CASP1: variants seen among roughly 807,000 people sequenced by gnomAD.
The protein encoded by CASP1 is caspase 1.
A neutral mutation model predicts 41.2 loss-of-function variants in CASP1; 31 were observed. The ratio of observed to expected loss-of-function variants is 0.75; its 90% confidence interval spans 0.57 to 1.02. The LOEUF (loss-of-function observed/expected upper bound fraction) is 1.02, where lower values mean the gene tolerates loss of function less well. CASP1 is among the 50% of genes least tolerant of loss of function. The pLI is 0.00. For missense variants in CASP1, 490 were observed against 495.7 expected (o/e 0.99, Z 0.11); for synonymous variants, 163 against 166.5 (o/e 0.98, Z 0.16).
chr11:105,030,814 G>A, intron 4 of CASP1: 3 of 361,020 alleles, frequency 8.3e-6, no homozygotes, highest in Non-Finnish European at 1.5e-5. Context: ...TTTTTCTTTG[G>A]GAAAAATATT....
chr11:105,034,046 G>A, intron 2 of CASP1, 162 bp downstream of exon 2: 1 of 1,147,320 alleles, frequency 8.7e-7, no homozygotes, highest in South Asian at 1.3e-5. Flanking sequence ...AAGAATCAAA[G>A]GAGAGTCAAG....
intron 7 of CASP1, 87 bp downstream of exon 7, chr11:105,029,037 G>A: frequency 8.0e-7 from 1 of 1,257,464 alleles, no homozygotes; most frequent in Non-Finnish European, 1.1e-6. Context: ...AGTTGGTCTT[G>A]AGTTGTTAAT....
chr11:105,029,932 T>A, intron 5 of CASP1, 33 bp from the exon 6 acceptor site: 1 of 1,407,512 alleles, frequency 7.1e-7, no homozygotes, highest in South Asian at 1.1e-5. Flanking sequence ...TTTTCGACTA[T>A]GTAATTAACT....
In CASP1 at chr11:105,026,733, A is replaced by G. The variant is rs929297489; in HGVS notation, c.1116+109T>C. The G allele has an allele frequency of 1.0e-5, 7 of 697,980 alleles. No homozygotes were observed. The Admixed American group carries it at 1.4e-4, about 14-fold the overall frequency. The allele number at this position is 697,980 out of a possible 1,614,324, so 43.2% of individuals were successfully genotyped here. A position where few individuals can be genotyped will look rare whatever the true frequency, so the allele number is the denominator to read the frequency against. On this transcript the variant is annotated intron_variant, in intron 8 of 8. Coordinates refer to ENST00000533400, the MANE Select transcript of CASP1 (RefSeq NM_001257118.3). ...GAACTCCAAAACTCTTTTGGAAAGA[A>G]GAGCATTATTGGAAGATAAACTTGT... is the stretch of plus-strand genomic sequence containing the variant.
At chr11:105,034,984 C>G in intron 1 of CASP1, 123 bp downstream of exon 1, 4 of 1,264,296 alleles carry the variant, frequency 3.2e-6, no homozygotes, top group Non-Finnish European at 4.6e-6. Context: ...TCCCTCTCCC[C>G]CCTTTTCCTT....
upstream of CASP1, chr11:105,035,320 C>T (rs1468653851): frequency 3.1e-6 from 2 of 645,010 alleles, no homozygotes; most frequent in Non-Finnish European, 5.5e-6. Context: ...TTGGATAGAT[C>T]AGGGTAGGAG....
intron 4 of CASP1, chr11:105,030,884 A>G (rs994809325): frequency 2.5e-5 from 9 of 363,312 alleles, no homozygotes; most frequent in South Asian, 4.4e-5. Context: ...GTTAAAAATT[A>G]TATATTATCA....
chr11:105,029,630 G>A, intron 6 of CASP1, 35 bp downstream of exon 6: 2 of 1,473,148 alleles, frequency 1.4e-6, no homozygotes, highest in South Asian at 1.1e-5. Flanking sequence ...GATAGTATTT[G>A]ATTGTCTGGT....
chr11:105,034,453 C>T lies in CASP1; in HGVS notation c.29G>A (p.Arg10Lys). MADKVLKEKRKLFIRSMGEG... is the reference protein window; with the variant it reads MADKVLKEKKKLFIRSMGEG... ...ACCCATGGAACGGATAAACAGCTTTCTCTTCTCCTTCAGGACCTTGTCTGT... is the reference window on the plus strand; with the variant it reads ...ACCCATGGAACGGATAAACAGCTTTTTCTTCTCCTTCAGGACCTTGTCTGT... Residue 10 changes from arginine to lysine, a missense_variant, in exon 2 of 9, where the codon AGA becomes AAA. By Grantham distance (26) the Arg-to-Lys change is conservative (BLOSUM62 2). Coordinates refer to ENST00000533400, the MANE Select transcript of CASP1 (RefSeq NM_001257118.3). 6.2e-7 allele frequency: 1 copy of T among 1,614,106 alleles called. No homozygotes were observed. Among genetic ancestry groups the T allele is most frequent in the African/African-American group, 1.3e-5 (1 of 75,032 alleles).
chr11:105,035,003 T>G (rs1863938747), intron 1 of CASP1, 104 bp downstream of exon 1: 2 of 1,460,414 alleles, frequency 1.4e-6, no homozygotes, highest in Admixed American at 1.7e-5. Flanking sequence ...TTGCTTCTAC[T>G]CAAGTAAACT....
Position 105,029,129 on chromosome 11 carries a change from G to T in CASP1, c.1001C>A (p.Thr334Lys). 1 of 1,612,704 alleles carries T rather than the reference G, an allele frequency of 6.2e-7. No homozygotes were observed. Among genetic ancestry groups the T allele is most frequent in the Non-Finnish European group, 8.5e-7 (1 of 1,179,218 alleles). The change falls in exon 7 of 9, where the codon ACA becomes AAA. Residue 334 changes from threonine to lysine, a missense_variant. Transcript: ENST00000533400. The part of the protein sequence containing the change: ...EKDFIAFCSS[T>K]PDNVSWRHPT... The stretch of plus-strand genomic sequence containing the variant: ...CCTGTGTAGAAACCTGTTACCTGGT[G>T]TGGAAGAGCAGAAAGCGATAAAATC...
At chr11:105,031,303 T>C (rs1325926501) in intron 3 of CASP1, 23 bp from the exon 4 acceptor site, 2 of 1,336,312 alleles carry the variant, frequency 1.5e-6, no homozygotes, top group Admixed American at 1.7e-5. Flanking sequence ...AAGAACATCA[T>C]GAACAGTGGC....
intron 8 of CASP1, 26 bp downstream of exon 8, chr11:105,026,816 G>GA: frequency 8.5e-7 from 1 of 1,176,154 alleles, no homozygotes; most frequent in Non-Finnish European, 1.3e-6. Context: ...GAAGTAGAGT[G>GA]AAAATAGCAT....
At chr11:105,029,090 C>A (rs505901) in intron 7 of CASP1, 34 bp downstream of exon 7, 259,145 of 1,592,128 alleles carry the variant, frequency 0.16, 23,139 homozygotes, top group Admixed American at 0.3. Context: ...TATTGATAGC[C>A]CCAACAAAGA....
intron 4 of CASP1, chr11:105,030,945 G>A (rs1325111355): frequency 4.0e-6 from 2 of 494,974 alleles, no homozygotes; most frequent in East Asian, 7.0e-5. Flanking sequence ...TTCAATAGCT[G>A]TCATCACTGA....
Position 105,031,196 on chromosome 11 carries a change from G to C in CASP1, c.422C>G (p.Ala141Gly), listed in dbSNP as rs541150316. ...CGACTTTTGTTTCCATATCCTTTGA[G>C]CTTCTTCTAGGGAGCAAAGCTTGAC... ...GNVKLCSLEEAQRIWKQKSAE... is the reference protein window; with the variant it reads ...GNVKLCSLEEGQRIWKQKSAE... Residue 141 changes from alanine (A) to glycine (G), a missense_variant, in exon 4 of 9, where the codon GCT becomes GGT. Physicochemically the swap from Ala to Gly is moderately conservative, Grantham distance 60. Transcript: ENST00000533400. 16 of 1,612,346 alleles carry C rather than the reference G, an allele frequency of 9.9e-6. No individual in the cohort carries two copies. In the South Asian group the frequency reaches 1.1e-4, roughly 11 times the overall value.
upstream of CASP1, among the ~76,000 whole-genome samples, chr11:105,035,618 G>GTTTTTTGTTTT (rs1555005466): frequency 6.8e-5 from 7 of 103,438 alleles, 2 homozygotes; most frequent in South Asian, 3.5e-4. Flanking sequence ...TTTTCTTTCT[G>GTTTTTTGTTTT]TTTTTTTTTT....
chr11:105,034,678 G>C (rs1863914673), intron 1 of CASP1: 1 of 833,740 alleles, frequency 1.2e-6, no homozygotes, highest in African/African-American at 1.7e-5. Context: ...CCTGAAGACT[G>C]AGTTTACCAT....
At chr11:105,035,321 A>G, upstream of CASP1, 1 of 617,684 alleles carries the variant, frequency 1.6e-6, no homozygotes, top group Non-Finnish European at 2.9e-6. Flanking sequence ...TGGATAGATC[A>G]GGGTAGGAGG....
Sources: gnomAD v4.1 joint callset for allele counts (sites outside exome capture counted in the v4.1 genomes callset) on GRCh38, gnomAD v4.1.1 for gene constraint, MANE v1.5 for transcripts, NCBI Gene and HGNC (gene_info 2026-07-23, HGNC 2026-07-21) for gene names.